LEKR1: variants seen among roughly 807,000 people sequenced by gnomAD.
LEKR1 encodes the protein protein LEKR1.
In LEKR1, 59 loss-of-function variants were observed where a neutral mutation model predicts 72.4. The observed-to-expected ratio is 0.82, with a 90% confidence interval of 0.66 to 1.01. The LOEUF (loss-of-function observed/expected upper bound fraction) is 1.01, where lower values mean the gene tolerates loss of function less well. Among genes scored for constraint, LEKR1 ranks in the 50% least tolerant of loss-of-function variants. The probability of loss-of-function intolerance (pLI) is 0.00; values close to 1 mark genes in which losing one functional copy is unlikely to be tolerated. For missense variants in LEKR1, 728 were observed against 759.2 expected (o/e 0.96, Z 0.48); for synonymous variants, 257 against 263.2 (o/e 0.98, Z 0.23).
chr3:156,844,746 A>G (rs143544983), intron 2 of LEKR1, among the ~76,000 whole-genome samples: 186 of 152,072 alleles, frequency 1.2e-3, no homozygotes, highest in African/African-American at 4.3e-3. Context: ...AGTTTGTTTA[A>G]CCATTTACCT....
chr3:156,962,721 A>C (rs950522599), intron 6 of LEKR1, among the ~76,000 whole-genome samples: 4 of 152,194 alleles, frequency 2.6e-5, no homozygotes, highest in African/African-American at 9.6e-5. Context: ...AATTTTCTAT[A>C]ATGATCATAG....
At chr3:157,024,443 T>C (rs1211187021) in intron 10 of LEKR1, among the ~76,000 whole-genome samples, 1 of 152,168 alleles carries the variant, frequency 6.6e-6, no homozygotes, top group Admixed American at 6.5e-5. Flanking sequence ...TTCAATTTTC[T>C]GAGTTGCTGG....
At chr3:156,834,869 A>C (rs1712898961) in intron 2 of LEKR1, among the ~76,000 whole-genome samples, 1 of 152,222 alleles carries the variant, frequency 6.6e-6, no homozygotes, top group Non-Finnish European at 1.5e-5. Flanking sequence ...AATAATCTTT[A>C]AAACTATACT....
intron 3 of LEKR1, among the ~76,000 whole-genome samples, chr3:156,876,480 T>G (rs992039397): frequency 1.3e-5 from 2 of 152,320 alleles, no homozygotes; most frequent in Non-Finnish European, 2.9e-5. Context: ...TTTCCATTTG[T>G]GTTGTCTGTG....
At chr3:156,832,073 A>G (rs1023396465) in intron 2 of LEKR1, among the ~76,000 whole-genome samples, 1 of 152,188 alleles carries the variant, frequency 6.6e-6, no homozygotes, top group Non-Finnish European at 1.5e-5. Flanking sequence ...AAGAGGAGTG[A>G]AACTGTCTTG....
At position 156,997,347 on chromosome 3, in the gene LEKR1, T is replaced by G. The variant is rs140445267; in HGVS notation, c.1109+4070T>G. The stretch of plus-strand genomic sequence containing the variant: ...AGCAAGTTTGCTCTTGAAGCTTTGA[T>G]TTGAAGCACCAATGGGACTTTTAAA... On this transcript the variant is annotated intron_variant, in intron 9 of 12. Transcript: ENST00000356539. 2.9e-3 allele frequency among the ~76,000 whole-genome samples: 441 copies of G among 152,338 alleles called. 6 individuals are homozygous for G. The highest frequency in any genetic ancestry group is 0.024 in the East Asian group (124 of 5,186).
chr3:157,020,691 G>A (rs1401409855), intron 10 of LEKR1, among the ~76,000 whole-genome samples: 3 of 151,684 alleles, frequency 2.0e-5, no homozygotes, highest in Non-Finnish European at 4.4e-5. Context: ...TTGGACATTT[G>A]GGTTGGTTCC....
At chr3:157,025,028 C>A in intron 11 of LEKR1, 104 bp downstream of exon 11, 1 of 721,226 alleles carries the variant, frequency 1.4e-6, no homozygotes, top group Non-Finnish European at 2.3e-6. Flanking sequence ...GTAGCTTTCA[C>A]TCATGGTCAC....
chr3:156,865,178 C>G (rs1043683277), intron 3 of LEKR1, among the ~76,000 whole-genome samples: 9 of 151,986 alleles, frequency 5.9e-5, no homozygotes, highest in Admixed American at 5.9e-4. Context: ...GCATATGTTA[C>G]CCCCATCATC....
intron 7 of LEKR1, among the ~76,000 whole-genome samples, chr3:156,989,425 C>T (rs972013762): frequency 6.6e-6 from 1 of 152,172 alleles, no homozygotes; most frequent in Non-Finnish European, 1.5e-5. Context: ...TAATAACTCA[C>T]TGTCCTCCAG....
At chr3:156,913,076 T>G (rs1335822566) in intron 3 of LEKR1, among the ~76,000 whole-genome samples, 2 of 152,200 alleles carry the variant, frequency 1.3e-5, no homozygotes, top group African/African-American at 2.4e-5. Flanking sequence ...ACTCACTATT[T>G]TGACTTTGCA....
chr3:157,005,213 G>C (rs1368584975), intron 9 of LEKR1, among the ~76,000 whole-genome samples: 2 of 152,012 alleles, frequency 1.3e-5, no homozygotes, highest in African/African-American at 2.4e-5. Context: ...ACTCTGATGA[G>C]ATGGACAAAA....
At chr3:156,994,499 A>C (rs79066946) in intron 9 of LEKR1, among the ~76,000 whole-genome samples, 4,143 of 152,184 alleles carry the variant, frequency 0.027, 157 homozygotes, top group East Asian at 0.18. Flanking sequence ...TCACCCTTCA[A>C]CACCGAAAAT....
rs145659718 is a variant in LEKR1 at position 156,912,749 on chromosome 3, G to A, written c.264-7826G>A. Among the ~76,000 whole-genome samples the A allele has an allele frequency of 3.1e-3, 477 of 152,280 alleles. 2 individuals are homozygous for A. The highest frequency in any genetic ancestry group is 6.8e-3 in the Middle Eastern group (2 of 294). On this transcript the variant is annotated intron_variant, in intron 3 of 12. Coordinates refer to ENST00000356539, the MANE Select transcript of LEKR1 (RefSeq NM_001004316.3). ...CCCTTTTTATATAGAATCAGGCGTG[G>A]CTTCCCTTGGTCCATACTAGAGACT...
chr3:156,865,170 A>G (rs1211712823), intron 3 of LEKR1, among the ~76,000 whole-genome samples: 1 of 151,982 alleles, frequency 6.6e-6, no homozygotes, highest in Admixed American at 6.6e-5. Flanking sequence ...TAACTTTAGC[A>G]TATGTTACCC....
intron 6 of LEKR1, among the ~76,000 whole-genome samples, chr3:156,956,371 T>C (rs1422672560): frequency 2.6e-5 from 4 of 152,162 alleles, no homozygotes; most frequent in African/African-American, 9.6e-5. Flanking sequence ...TGAAAATCCA[T>C]GTTTGGCCAC....
intron 6 of LEKR1, among the ~76,000 whole-genome samples, chr3:156,956,184 C>T (rs181939494): frequency 1.6e-3 from 250 of 151,956 alleles, no homozygotes; most frequent in Non-Finnish European, 2.9e-3. Context: ...AAAATCATTC[C>T]ACAAGAACTC....
chr3:156,827,659 T>G (rs1230269925), intron 1 of LEKR1, among the ~76,000 whole-genome samples: 1 of 152,246 alleles, frequency 6.6e-6, no homozygotes, highest in East Asian at 1.9e-4. Flanking sequence ...GTTGTCTTTC[T>G]GCATTGTGGA....
At chr3:156,970,141 T>C (rs1478338202) in intron 6 of LEKR1, among the ~76,000 whole-genome samples, 2 of 152,194 alleles carry the variant, frequency 1.3e-5, no homozygotes, top group South Asian at 2.1e-4. Flanking sequence ...AAGAGCTATC[T>C]ATGACAAACC....
Sources: gnomAD v4.1 joint callset for allele counts (sites outside exome capture counted in the v4.1 genomes callset) on GRCh38, gnomAD v4.1.1 for gene constraint, MANE v1.5 for transcripts, NCBI Gene and HGNC (gene_info 2026-07-23, HGNC 2026-07-21) for gene names.